The following PCDHGA5 variants were observed in gnomAD, a reference collection of about 807,000 sequenced individuals.
PCDHGA5 encodes the protein protocadherin gamma subfamily A, 5, also known as protocadherin gamma-A5.
Under a neutral mutation model 56.7 loss-of-function variants are expected in PCDHGA5, and 36 were observed. The ratio of observed to expected loss-of-function variants is 0.64; its 90% CI spans 0.49 to 0.84. The LOEUF is 0.84. PCDHGA5 is among the 40% of genes least tolerant of loss of function. The pLI is 0.00. For synonymous variants in PCDHGA5, 563 were observed against 520.2 expected (o/e 1.08, Z -1.12); for missense variants, 1,305 against 1,201.5 (o/e 1.09, Z -1.27).
chr5:141,423,626 T>C (rs745796529), intron 1 of PCDHGA5: 1 of 1,606,498 alleles, frequency 6.2e-7, no homozygotes, highest in South Asian at 1.1e-5. Context: ...GACTCAGCTA[T>C]CATTTTAGGC....
chr5:141,417,524 T>C (rs2096128269), intron 1 of PCDHGA5: 1 of 271,098 alleles, frequency 3.7e-6, no homozygotes, highest in African/African-American at 2.2e-5. Flanking sequence ...GGCTGTCAAC[T>C]CGTAGTTTAA....
At chr5:141,374,051 C>T in intron 1 of PCDHGA5, 1 of 1,476,382 alleles carries the variant, frequency 6.8e-7, no homozygotes, top group Non-Finnish European at 9.0e-7. Context: ...TCTTCCTCTT[C>T]TTAATCCCAG....
intron 1 of PCDHGA5, chr5:141,414,397 T>C: frequency 6.2e-7 from 1 of 1,613,920 alleles, no homozygotes; most frequent in Middle Eastern, 1.6e-4. Context: ...TTATTACAGA[T>C]TGGTGATACA....
chr5:141,417,632 C>T (rs1395400349), intron 1 of PCDHGA5: 3 of 714,288 alleles, frequency 4.2e-6, no homozygotes, highest in Non-Finnish European at 6.5e-6. Context: ...GCGCTGACGC[C>T]GGGGATCCCT....
At chr5:141,372,941 G>T in intron 1 of PCDHGA5, 1 of 810,408 alleles carries the variant, frequency 1.2e-6, no homozygotes, top group Non-Finnish European at 1.9e-6. Context: ...AGAGTAGGGT[G>T]TCTAGGAAAT....
intron 1 of PCDHGA5, chr5:141,385,172 C>A (rs1013319688): frequency 1.2e-6 from 2 of 1,614,210 alleles, no homozygotes; most frequent in Non-Finnish European, 8.5e-7. Context: ...CATGAGGTCT[C>A]CCTCACCGCG....
intron 1 of PCDHGA5, chr5:141,410,799 C>T: frequency 2.9e-5 from 16 of 560,592 alleles, no homozygotes; most frequent in South Asian, 8.0e-5. Context: ...ATAAGTTGCT[C>T]TATCTTTTTG....
intron 1 of PCDHGA5, chr5:141,392,860 T>C (rs726684): frequency 6.2e-7 from 1 of 1,612,118 alleles, no homozygotes; most frequent in Non-Finnish European, 8.5e-7. Flanking sequence ...CTGATCCTGC[T>C]GTGCGCGCTG....
chr5:141,410,849 CTTT>C (rs759346998), intron 1 of PCDHGA5: 1,556 of 136,944 alleles, frequency 0.011, no homozygotes, highest in South Asian at 0.02. Flanking sequence ...TTGTCTTTGT[CTTT>C]TTTTTTTTTT....
intron 1 of PCDHGA5, among the ~76,000 whole-genome samples, chr5:141,436,477 G>A (rs748354852): frequency 1.3e-5 from 2 of 152,168 alleles, no homozygotes; most frequent in Non-Finnish European, 2.9e-5. Context: ...ATGTATCATA[G>A]AAGGATAGCA....
Position 141,490,920 on chromosome 5 carries a change from T to A in PCDHGA5, c.2422-3887T>A. 1.2e-6 allele frequency: 2 copies of A among 1,613,638 alleles called. No homozygotes were observed. The highest frequency in any genetic ancestry group is 1.7e-6 in the Non-Finnish European group (2 of 1,179,684). The stretch of plus-strand genomic sequence containing the variant: ...TGTTTGTCCTAGACGAGAATGATAA[T>A]GCCCCAGCTGTGCTGCACCCACGGC... On this transcript the variant is annotated intron_variant, in intron 1 of 3. Coordinates refer to ENST00000518069, the MANE Select transcript of PCDHGA5 (RefSeq NM_018918.3). This position sits in a 1 kb window ranked among gnomAD's most constrained non-coding sequence, Gnocchi z 5.4.
At chr5:141,389,093 G>A in intron 1 of PCDHGA5, 1 of 1,614,018 alleles carries the variant, frequency 6.2e-7, no homozygotes, top group Non-Finnish European at 8.5e-7. Flanking sequence ...ATAAATTAGT[G>A]ACAGATGCTG....
chr5:141,389,378 G>A (rs574837458), intron 1 of PCDHGA5: 4 of 1,613,766 alleles, frequency 2.5e-6, no homozygotes, highest in African/African-American at 2.7e-5. Flanking sequence ...AGCAGCGGGA[G>A]CTGTCATCCT....
intron 1 of PCDHGA5, among the ~76,000 whole-genome samples, chr5:141,380,915 GT>G (rs1776856822): frequency 6.6e-6 from 1 of 152,180 alleles, no homozygotes; most frequent in Admixed American, 6.5e-5. Flanking sequence ...TGCTTACATT[GT>G]TTAATAATCA....
In PCDHGA5 at chr5:141,421,044, C is replaced by A. The variant is rs556562994; in HGVS notation, c.2421+54293C>A. 5.5e-6 allele frequency: 3 copies of A among 548,610 alleles called. No individual in the cohort carries two copies. In the South Asian group the frequency reaches 8.2e-5, roughly 15 times the overall value. The allele number at this position is 548,610 out of a possible 1,614,324, so 34.0% of individuals were successfully genotyped here. A position where few individuals can be genotyped will look rare whatever the true frequency, so the allele number is the denominator to read the frequency against. ...CGCGCCATTGAGTCCCTCCCTCCCCCGCCTCTACCACACAAAGCGGAATGA... is the reference window on the plus strand; with the variant it reads ...CGCGCCATTGAGTCCCTCCCTCCCCAGCCTCTACCACACAAAGCGGAATGA... On this transcript the variant is annotated intron_variant, in intron 1 of 3. Transcript: ENST00000518069.
chr5:141,453,732 C>T (rs182118864), intron 1 of PCDHGA5, among the ~76,000 whole-genome samples: 9 of 152,332 alleles, frequency 5.9e-5, no homozygotes. Context: ...TTTGTTACTA[C>T]AGCTTAAATA....
In PCDHGA5 at chr5:141,477,767, A is replaced by G. The variant is rs1178354274; in HGVS notation, c.2422-17040A>G. 6.2e-7 allele frequency: 1 copy of G among 1,613,906 alleles called. No homozygotes were observed. The highest frequency in any genetic ancestry group is 8.5e-7 in the Non-Finnish European group (1 of 1,180,038). On this transcript the variant is annotated intron_variant, in intron 1 of 3. Coordinates refer to ENST00000518069, the MANE Select transcript of PCDHGA5 (RefSeq NM_018918.3). The surrounding 1 kb of genome is among the most constrained non-coding windows in gnomAD (Gnocchi z 4.9). ...GGGCACCCCGGTCCTAGCCACCAAC[A>G]TCAGCGTGAACATATTTGTCACTGA...
At chr5:141,372,842 A>G in intron 1 of PCDHGA5, 1 of 1,515,016 alleles carries the variant, frequency 6.6e-7, no homozygotes, top group Middle Eastern at 1.7e-4. Context: ...TTCCATAAAT[A>G]TAATTGGGTT....
intron 1 of PCDHGA5, chr5:141,426,867 G>A (rs1436078091): frequency 4.4e-6 from 2 of 456,708 alleles, no homozygotes; most frequent in Non-Finnish European, 8.8e-6. Flanking sequence ...ATTAGTGCTG[G>A]AGAAGCCCCT....
Sources: allele counts gnomAD v4.1 joint callset (sites outside exome capture counted in the v4.1 genomes callset), GRCh38; gene constraint gnomAD v4.1.1; non-coding constraint Gnocchi (gnomAD v3.1); transcripts MANE v1.5; gene names NCBI Gene and HGNC (gene_info 2026-07-23, HGNC 2026-07-21).